The following CSMD1 variants were observed in gnomAD, a reference collection of about 807,000 sequenced individuals.
CSMD1 encodes the protein CUB and sushi domain-containing protein 1.
In CSMD1, 213 loss-of-function variants were observed where a neutral mutation model predicts 417.5. The observed-to-expected ratio is 0.51, with a 90% CI of 0.46 to 0.57. CSMD1 has a LOEUF of 0.57. Among genes scored for constraint, CSMD1 ranks in the 20% least tolerant of loss-of-function variants. CSMD1 has a pLI of 0.00. For synonymous variants in CSMD1, 2,862 were observed against 1,736.8 expected (o/e 1.65, Z -16.11); for missense variants, 6,923 against 4,529.7 (o/e 1.53, Z -15.17).
intron 5 of CSMD1, among the ~76,000 whole-genome samples, chr8:3,992,606 C>T (rs1477619975): frequency 5.9e-5 from 9 of 152,058 alleles, no homozygotes; most frequent in South Asian, 2.1e-4. Flanking sequence ...CAACACAGTA[C>T]GTCCGTGTGT....
At chr8:2,983,479 C>T (rs931537968) in intron 54 of CSMD1, among the ~76,000 whole-genome samples, 4 of 152,154 alleles carry the variant, frequency 2.6e-5, no homozygotes, top group Admixed American at 2.6e-4. Context: ...AGCCACCTCG[C>T]CCAGTCTTTC....
At chr8:3,642,065 G>A (rs1797334398) in intron 7 of CSMD1, among the ~76,000 whole-genome samples, 2 of 152,000 alleles carry the variant, frequency 1.3e-5, no homozygotes, top group South Asian at 4.2e-4. Flanking sequence ...TACTTCGATG[G>A]ATACACTGAG....
At chr8:4,081,484 C>G (rs566113535) in intron 3 of CSMD1, among the ~76,000 whole-genome samples, 1 of 152,148 alleles carries the variant, frequency 6.6e-6, no homozygotes, top group South Asian at 2.1e-4. Context: ...TAAATTAGCC[C>G]TACAGGGAGG....
chr8:3,808,271 T>C (rs916713908), intron 5 of CSMD1, among the ~76,000 whole-genome samples: 4 of 152,172 alleles, frequency 2.6e-5, no homozygotes, highest in South Asian at 2.1e-4. Flanking sequence ...CTAAGGAATA[T>C]AAAGATTTTT....
At chr8:4,958,014 G>C (rs1585407300) in intron 1 of CSMD1, among the ~76,000 whole-genome samples, 1 of 152,172 alleles carries the variant, frequency 6.6e-6, no homozygotes, top group Admixed American at 6.6e-5. Flanking sequence ...GATGGTTCAA[G>C]TCACGACGTT....
chr8:4,542,216 C>G (rs575735668), intron 2 of CSMD1, among the ~76,000 whole-genome samples: 42 of 152,074 alleles, frequency 2.8e-4, no homozygotes, highest in Non-Finnish European at 5.1e-4. Context: ...TATGGCACAA[C>G]TTGTTTCATG....
intron 1 of CSMD1, among the ~76,000 whole-genome samples, chr8:4,766,141 A>G (rs139117178): frequency 6.6e-6 from 1 of 152,328 alleles, no homozygotes; most frequent in Non-Finnish European, 1.5e-5. Context: ...TAAAATGTAC[A>G]ATGCTTTGTG....
chr8:4,441,078 G>T (rs1798441986), intron 2 of CSMD1, among the ~76,000 whole-genome samples: 2 of 77,972 alleles, frequency 2.6e-5, no homozygotes, highest in African/African-American at 4.1e-5. Context: ...CTAATAATTT[G>T]ACTCGTTAAT....
At chr8:3,444,994 G>T (rs147833764) in intron 12 of CSMD1, among the ~76,000 whole-genome samples, 2 of 152,084 alleles carry the variant, frequency 1.3e-5, no homozygotes, top group African/African-American at 4.8e-5. Context: ...ACTCGAACCT[G>T]TCCAAGCCTC....
chr8:3,563,751 T>A (rs1799575472), intron 10 of CSMD1, among the ~76,000 whole-genome samples: 1 of 151,900 alleles, frequency 6.6e-6, no homozygotes, highest in Admixed American at 6.6e-5. Context: ...TAGCTAGGTG[T>A]GGTGGTAGGC....
chr8:4,726,112 G>A (rs1585004383), intron 1 of CSMD1, among the ~76,000 whole-genome samples: 2 of 152,082 alleles, frequency 1.3e-5, no homozygotes, highest in East Asian at 1.9e-4. Context: ...TATAACACAC[G>A]GGGAGGACAA....
intron 1 of CSMD1, among the ~76,000 whole-genome samples, chr8:4,685,810 G>A (rs540436440): frequency 1.4e-4 from 22 of 152,118 alleles, no homozygotes; most frequent in Non-Finnish European, 2.6e-4. Flanking sequence ...TGGAGTTTTT[G>A]CCATTACTTT....
intron 5 of CSMD1, among the ~76,000 whole-genome samples, chr8:3,929,574 G>C (rs1809994250): frequency 6.6e-6 from 1 of 150,536 alleles, no homozygotes; most frequent in Non-Finnish European, 1.5e-5. Flanking sequence ...ATGATTTCAT[G>C]TTATAAGATA....
intron 2 of CSMD1, among the ~76,000 whole-genome samples, chr8:4,437,692 G>A (rs955839552): frequency 2.6e-5 from 4 of 152,080 alleles, no homozygotes; most frequent in Admixed American, 2.6e-4. Flanking sequence ...AAGACCTTTA[G>A]CATAGAATAA....
intron 2 of CSMD1, among the ~76,000 whole-genome samples, chr8:4,496,795 C>T (rs568135725): frequency 2.0e-5 from 3 of 152,240 alleles, no homozygotes; most frequent in African/African-American, 7.2e-5. Context: ...GCTGAGACAT[C>T]CTGAGACATG....
intron 3 of CSMD1, among the ~76,000 whole-genome samples, chr8:4,377,118 G>A (rs1287610039): frequency 6.6e-6 from 1 of 152,126 alleles, no homozygotes; most frequent in Non-Finnish European, 1.5e-5. Flanking sequence ...TTCATATAGA[G>A]CCATTTCTCC....
At chr8:4,243,137 T>G (rs915502673) in intron 3 of CSMD1, among the ~76,000 whole-genome samples, 1 of 151,830 alleles carries the variant, frequency 6.6e-6, no homozygotes. Flanking sequence ...AATTGAGCAG[T>G]TGGAAAAAGG....
intron 1 of CSMD1, among the ~76,000 whole-genome samples, chr8:4,799,340 T>A (rs918865245): frequency 6.6e-6 from 1 of 152,064 alleles, no homozygotes; most frequent in African/African-American, 2.4e-5. Context: ...ACATGACTGG[T>A]AATACAATGA....
intron 2 of CSMD1, among the ~76,000 whole-genome samples, chr8:4,560,970 C>T (rs1585251101): frequency 6.6e-6 from 1 of 152,212 alleles, no homozygotes; most frequent in South Asian, 2.1e-4. Context: ...AAGTCTTCCA[C>T]TGTTCTAAAT....
Sources: gnomAD v4.1 joint callset for allele counts (sites outside exome capture counted in the v4.1 genomes callset) on GRCh38, gnomAD v4.1.1 for gene constraint, MANE v1.5 for transcripts, NCBI Gene and HGNC (gene_info 2026-07-23, HGNC 2026-07-21) for gene names.